Variants in PTPRT observed in about 807,000 individuals in gnomAD.
PTPRT encodes receptor-type tyrosine-protein phosphatase T.
In PTPRT, 56 loss-of-function variants were observed where a neutral mutation model predicts 176.8. The observed-to-expected ratio is 0.32, with a 90% CI of 0.26 to 0.40. The LOEUF (loss-of-function observed/expected upper bound fraction) is 0.40. Ranked by LOEUF, PTPRT falls within the 10% of genes least tolerant of loss-of-function variation. The probability of loss-of-function intolerance (pLI) is 1.00; values close to 1 mark genes in which losing one functional copy is unlikely to be tolerated. For synonymous variants in PTPRT, 783 were observed against 739.0 expected (o/e 1.06, Z -0.96); for missense variants, 1,540 against 1,908.2 (o/e 0.81, Z 3.60).
In PTPRT at chr20:42,160,319, G is replaced by A. The variant is rs1196261858; in HGVS notation, c.2682+1033C>T. Among the ~76,000 whole-genome samples the A allele has an allele frequency of 2.0e-5, 3 of 152,328 alleles. No individual in the cohort carries two copies. The East Asian group carries it at 5.8e-4, about 29-fold the overall frequency. The stretch of plus-strand genomic sequence containing the variant: ...GCAGCTGGAGTCTAACTGCAACCAG[G>A]AGAGTTGCAGAATTATTCTTGGAGA... On this transcript the variant is annotated intron_variant, in intron 17 of 30. Coordinates refer to ENST00000373187, the MANE Select transcript of PTPRT (RefSeq NM_007050.6).
chr20:42,409,254 G>A (rs961973354), intron 9 of PTPRT, among the ~76,000 whole-genome samples: 3 of 151,922 alleles, frequency 2.0e-5, no homozygotes, highest in Non-Finnish European at 4.4e-5. Context: ...AGGCTGAGGC[G>A]GGTGGATCAT....
At chr20:42,477,284 G>A (rs2071306949) in intron 7 of PTPRT, among the ~76,000 whole-genome samples, 1 of 152,212 alleles carries the variant, frequency 6.6e-6, no homozygotes, top group Non-Finnish European at 1.5e-5. Flanking sequence ...GAGATGAACA[G>A]ATGGTGACCT....
chr20:42,464,839 C>T (rs961050286), intron 8 of PTPRT, among the ~76,000 whole-genome samples: 2 of 152,068 alleles, frequency 1.3e-5, no homozygotes, highest in Admixed American at 1.3e-4. Flanking sequence ...TACAGATGTA[C>T]TCATCCTTAG....
chr20:42,799,490 C>T (rs1269481304), intron 2 of PTPRT, among the ~76,000 whole-genome samples: 2 of 152,224 alleles, frequency 1.3e-5, no homozygotes, highest in African/African-American at 4.8e-5. Context: ...TTTATTACTT[C>T]ATAACTTGCC....
chr20:42,293,339 T>C (rs2057344809), intron 12 of PTPRT, among the ~76,000 whole-genome samples: 1 of 152,186 alleles, frequency 6.6e-6, no homozygotes, highest in Non-Finnish European at 1.5e-5. Flanking sequence ...CAACTCCATC[T>C]TCCTTAATCT....
intron 7 of PTPRT, among the ~76,000 whole-genome samples, chr20:42,660,114 G>A (rs987129742): frequency 2.0e-5 from 3 of 152,212 alleles, no homozygotes; most frequent in African/African-American, 7.2e-5. Context: ...AGGGCTCTAG[G>A]AAGATTGTAC....
At chr20:42,753,155 G>C (rs1446140750) in intron 6 of PTPRT, among the ~76,000 whole-genome samples, 1 of 152,062 alleles carries the variant, frequency 6.6e-6, no homozygotes, top group Non-Finnish European at 1.5e-5. Flanking sequence ...GTGGCACCAG[G>C]TAACAGCAAG....
intron 9 of PTPRT, among the ~76,000 whole-genome samples, chr20:42,443,690 A>G (rs2059338852): frequency 6.6e-6 from 1 of 152,106 alleles, no homozygotes; most frequent in African/African-American, 2.4e-5. Context: ...TCAGGGTGAG[A>G]CACCCATCTT....
chr20:42,602,802 C>T (rs913637693), intron 7 of PTPRT, among the ~76,000 whole-genome samples: 2 of 151,748 alleles, frequency 1.3e-5, no homozygotes, highest in Admixed American at 6.6e-5. Context: ...AACTGATTTC[C>T]ACCCCTGGCT....
At chr20:42,564,366 T>C (rs1343422101) in intron 7 of PTPRT, among the ~76,000 whole-genome samples, 2 of 152,248 alleles carry the variant, frequency 1.3e-5, no homozygotes, top group Non-Finnish European at 2.9e-5. Flanking sequence ...GCCTTCCATA[T>C]TTGCAGGTTC....
intron 2 of PTPRT, among the ~76,000 whole-genome samples, chr20:42,856,761 A>G (rs535802069): frequency 3.9e-5 from 6 of 152,260 alleles, no homozygotes; most frequent in African/African-American, 1.4e-4. Flanking sequence ...CAGGACAATA[A>G]AAACCAAGTT....
intron 1 of PTPRT, among the ~76,000 whole-genome samples, chr20:43,169,127 C>T (rs2014930425): frequency 6.6e-6 from 1 of 152,184 alleles, no homozygotes; most frequent in Non-Finnish European, 1.5e-5. Flanking sequence ...TCCTCTAAAC[C>T]ATCTAAGATC....
intron 7 of PTPRT, among the ~76,000 whole-genome samples, chr20:42,635,273 C>G (rs903093192): frequency 2.6e-5 from 4 of 151,928 alleles, no homozygotes; most frequent in African/African-American, 9.7e-5. Context: ...AAAATAATAA[C>G]TATGTAAATA....
intron 6 of PTPRT, among the ~76,000 whole-genome samples, chr20:42,739,373 A>G (rs2076576297): frequency 6.6e-6 from 1 of 152,132 alleles, no homozygotes; most frequent in African/African-American, 2.4e-5. Context: ...GGAAGAGAGG[A>G]GGAAGAGGTA....
At chr20:42,714,075 T>C (rs2076187367) in intron 6 of PTPRT, among the ~76,000 whole-genome samples, 1 of 152,188 alleles carries the variant, frequency 6.6e-6, no homozygotes, top group Non-Finnish European at 1.5e-5. Context: ...AACCAAGCTC[T>C]AGGTAGGGCT....
At chr20:42,810,218 C>T (rs527751946) in intron 2 of PTPRT, among the ~76,000 whole-genome samples, 2 of 152,114 alleles carry the variant, frequency 1.3e-5, no homozygotes, top group African/African-American at 2.4e-5. Context: ...CGCTTGAACC[C>T]AGGAGGCAGA....
chr20:42,896,888 G>A (rs772130592), intron 1 of PTPRT, among the ~76,000 whole-genome samples: 14 of 152,192 alleles, frequency 9.2e-5, no homozygotes, highest in Non-Finnish European at 2.1e-4. Flanking sequence ...ACACCCTATC[G>A]TGGGTAGCTG....
intron 17 of PTPRT, among the ~76,000 whole-genome samples, chr20:42,144,277 G>A (rs991543798): frequency 6.6e-6 from 1 of 152,178 alleles, no homozygotes; most frequent in African/African-American, 2.4e-5. Flanking sequence ...AGAATTAAGT[G>A]TTGTGTTTTG....
At chr20:42,710,154 G>A (rs1351348537) in intron 6 of PTPRT, among the ~76,000 whole-genome samples, 5 of 152,158 alleles carry the variant, frequency 3.3e-5, no homozygotes, top group African/African-American at 1.2e-4. Context: ...CTGGCCATAT[G>A]GGAGAGAAAG....
Sources: allele counts gnomAD v4.1 joint callset (sites outside exome capture counted in the v4.1 genomes callset), GRCh38; gene constraint gnomAD v4.1.1; transcripts MANE v1.5; gene names NCBI Gene and HGNC (gene_info 2026-07-23, HGNC 2026-07-21).